FAF1: variants seen among roughly 807,000 people sequenced by gnomAD.
The protein encoded by FAF1 is FAS-associated factor 1.
In FAF1, 25 loss-of-function variants were observed where a neutral mutation model predicts 92.5. The ratio of observed to expected loss-of-function variants is 0.27; its 90% CI spans 0.20 to 0.38. FAF1 has a LOEUF of 0.38. FAF1 is among the 10% of genes least tolerant of loss of function. The pLI is 1.00. For missense variants in FAF1, 636 were observed against 793.3 expected (o/e 0.80, Z 2.38); for synonymous variants, 234 against 273.2 (o/e 0.86, Z 1.42).
chr1:50,875,042 T>C (rs756224986), intron 1 of FAF1, among the ~76,000 whole-genome samples: 55 of 151,928 alleles, frequency 3.6e-4, no homozygotes, highest in Non-Finnish European at 6.5e-4. Context: ...TGTGAGAAAG[T>C]TATACCACCA....
intron 15 of FAF1, among the ~76,000 whole-genome samples, chr1:50,513,988 A>G (rs1647172665): frequency 6.6e-6 from 1 of 152,170 alleles, no homozygotes; most frequent in Non-Finnish European, 1.5e-5. Flanking sequence ...ACAATCCTTG[A>G]ATTAGGGTAG....
At chr1:50,898,974 T>C (rs149940513) in intron 1 of FAF1, among the ~76,000 whole-genome samples, 1,798 of 152,320 alleles carry the variant, frequency 0.012, 30 homozygotes, top group African/African-American at 0.042. Context: ...CTTCTGCAGA[T>C]TCCAATTACA....
At chr1:50,604,771 C>G (rs554685976) in intron 8 of FAF1, among the ~76,000 whole-genome samples, 14 of 152,262 alleles carry the variant, frequency 9.2e-5, no homozygotes, top group South Asian at 2.1e-4. Context: ...CTGGGCTCCC[C>G]CTTTTGGCCT....
intron 4 of FAF1, among the ~76,000 whole-genome samples, chr1:50,757,080 G>A (rs1361281471): frequency 6.6e-6 from 1 of 152,142 alleles, no homozygotes; most frequent in Admixed American, 6.5e-5. Context: ...CCAAATTCTT[G>A]TGATTTCTAA....
chr1:50,695,164 T>G (rs1054999322), intron 7 of FAF1, among the ~76,000 whole-genome samples: 10 of 151,942 alleles, frequency 6.6e-5, no homozygotes, highest in Non-Finnish European at 5.9e-5. Flanking sequence ...TCCCAGCACT[T>G]TGGGAGGTTG....
intron 6 of FAF1, among the ~76,000 whole-genome samples, chr1:50,709,457 A>G (rs1346495689): frequency 6.6e-6 from 1 of 152,214 alleles, no homozygotes; most frequent in Admixed American, 6.5e-5. Context: ...GATTCAAGAA[A>G]TACTTCTGCA....
At chr1:50,596,301 T>C (rs572914994) in intron 8 of FAF1, 85 bp from the exon 9 acceptor site, 2 of 929,024 alleles carry the variant, frequency 2.2e-6, no homozygotes, top group Middle Eastern at 3.0e-4. Context: ...TTTTCTATTA[T>C]TGCTGAAGCT....
chr1:50,489,931 A>G (rs1432688991), intron 17 of FAF1, among the ~76,000 whole-genome samples: 1 of 152,234 alleles, frequency 6.6e-6, no homozygotes, highest in African/African-American at 2.4e-5. Flanking sequence ...AGATTATAGA[A>G]AATCATGAAT....
At chr1:50,542,241 C>T (rs1648791271) in intron 13 of FAF1, among the ~76,000 whole-genome samples, 1 of 152,156 alleles carries the variant, frequency 6.6e-6, no homozygotes, top group South Asian at 2.1e-4. Context: ...TTGCAATCAT[C>T]AAGAGCCTGT....
chr1:50,563,731 A>G (rs1455903365), intron 13 of FAF1, among the ~76,000 whole-genome samples: 4 of 152,184 alleles, frequency 2.6e-5, no homozygotes, highest in African/African-American at 9.6e-5. Flanking sequence ...GGAGATCACA[A>G]TTTAGCAGGG....
At chr1:50,959,317 T>C (rs770252144) in intron 1 of FAF1, among the ~76,000 whole-genome samples, 8 of 152,148 alleles carry the variant, frequency 5.3e-5, no homozygotes, top group Non-Finnish European at 8.8e-5. Context: ...CGCCATCTCA[T>C]CATTCTGCTT....
intron 3 of FAF1, among the ~76,000 whole-genome samples, chr1:50,800,050 A>G (rs192529468): frequency 1.5e-4 from 23 of 152,362 alleles, no homozygotes; most frequent in Non-Finnish European, 3.1e-4. Context: ...ATTCCTTCAA[A>G]AAAAGCAAAC....
intron 1 of FAF1, among the ~76,000 whole-genome samples, chr1:50,908,875 T>C (rs1429598927): frequency 6.6e-6 from 1 of 152,214 alleles, no homozygotes; most frequent in African/African-American, 2.4e-5. Context: ...CCCATTTACA[T>C]TTAAGGTTAA....
intron 18 of FAF1, among the ~76,000 whole-genome samples, chr1:50,453,087 T>C (rs1033987523): frequency 3.3e-5 from 5 of 152,232 alleles, no homozygotes; most frequent in African/African-American, 7.2e-5. Context: ...TTGTACACGG[T>C]AGTGTTTCTG....
chr1:50,890,683 A>G (rs894569673), intron 1 of FAF1, among the ~76,000 whole-genome samples: 2 of 152,136 alleles, frequency 1.3e-5, no homozygotes, highest in East Asian at 3.9e-4. Flanking sequence ...AATGCTGAAT[A>G]TTGGTCCCCA....
intron 18 of FAF1, among the ~76,000 whole-genome samples, chr1:50,450,002 C>A (rs934930724): frequency 4.0e-5 from 6 of 151,546 alleles, no homozygotes; most frequent in African/African-American, 1.5e-4. Context: ...CGAGACCAGC[C>A]TGGCCACCAT....
chr1:50,856,517 A>T (rs1297427955), intron 2 of FAF1, among the ~76,000 whole-genome samples: 2 of 151,828 alleles, frequency 1.3e-5, no homozygotes, highest in Non-Finnish European at 3.0e-5. Flanking sequence ...AATTTTGACA[A>T]GTACCAAAAC....
At chr1:50,749,871 G>A (rs758653663) in intron 4 of FAF1, among the ~76,000 whole-genome samples, 2 of 151,784 alleles carry the variant, frequency 1.3e-5, no homozygotes, top group African/African-American at 2.4e-5. Context: ...CAAACACTTC[G>A]TTGGGTTGCT....
chr1:50,606,444 T>A (rs565477805), intron 8 of FAF1, among the ~76,000 whole-genome samples: 1 of 149,898 alleles, frequency 6.7e-6, no homozygotes, highest in African/African-American at 2.4e-5. Flanking sequence ...AGTGCCAACC[T>A]GTGGAGAGCA....
Sources: allele counts gnomAD v4.1 joint callset (sites outside exome capture counted in the v4.1 genomes callset), GRCh38; gene constraint gnomAD v4.1.1; transcripts MANE v1.5; gene names NCBI Gene and HGNC (gene_info 2026-07-23, HGNC 2026-07-21).